Variants in C1QTNF2 observed in about 807,000 individuals in gnomAD.
C1QTNF2 encodes complement C1q tumor necrosis factor-related protein 2.
A neutral mutation model predicts 17.4 loss-of-function variants in C1QTNF2; 15 were observed. That is an observed-to-expected ratio of 0.86 (90% CI 0.58 to 1.33). C1QTNF2 has a LOEUF of 1.33. Ranked by LOEUF, C1QTNF2 falls within the 40% of genes most tolerant of loss-of-function variation. The probability of loss-of-function intolerance (pLI) is 0.00; values close to 1 mark genes in which losing one functional copy is unlikely to be tolerated. For synonymous variants in C1QTNF2, 154 were observed against 163.3 expected (o/e 0.94, Z 0.44); for missense variants, 381 against 392.3 (o/e 0.97, Z 0.24).
chr5:160,363,061 G>C (rs1764182957), intron 1 of C1QTNF2, among the ~76,000 whole-genome samples: 1 of 152,196 alleles, frequency 6.6e-6, no homozygotes, highest in Non-Finnish European at 1.5e-5. Flanking sequence ...ATCCTTGGTG[G>C]AGGAGGACAC....
At position 160,354,825 on chromosome 5, in the gene C1QTNF2, G is replaced by A. The variant is rs1251441049; in HGVS notation, c.187C>T (p.Pro63Ser). 1 of 1,613,474 alleles carries A rather than the reference G, an allele frequency of 6.2e-7. No homozygotes were observed. The highest frequency in any genetic ancestry group is 8.5e-7 in the Non-Finnish European group (1 of 1,179,928). ...PSGMMGRMGF[P>S]GKDGQDGHDG... ...TGTCCATCTTGGCCGTCTTTGCCAG[G>A]AAAGCCCATTCGTCCCATCATTCCT... The change falls in exon 2 of 3, where the codon CCT becomes TCT. Residue 63 changes from proline to serine, a missense_variant. Pro to Ser is a moderately conservative substitution (Grantham distance 74, BLOSUM62 -1). Transcript: ENST00000652664.
chr5:160,349,156 G>A lies in C1QTNF2; in HGVS notation c.*12C>T, dbSNP rs377189165. Reference sequence around the variant, plus strand: ...AAGCTTGTTCCCTGCCTGGAGGACCGCCGTGGCATGTCTATACCTCGTTGG... The same window carrying A: ...AAGCTTGTTCCCTGCCTGGAGGACCACCGTGGCATGTCTATACCTCGTTGG... On this transcript the variant is annotated 3_prime_UTR_variant, in exon 3 of 3. Coordinates refer to ENST00000652664, the MANE Select transcript of C1QTNF2 (RefSeq NM_031908.6). This position sits in a 1 kb window ranked among gnomAD's most constrained non-coding sequence, Gnocchi z 4.3. The A allele has an allele frequency of 2.0e-5, 32 of 1,598,380 alleles. No homozygotes were observed. The highest frequency in any genetic ancestry group is 9.4e-5 in the African/African-American group (7 of 74,540).
intron 1 of C1QTNF2, among the ~76,000 whole-genome samples, chr5:160,359,519 G>C (rs1279160943): frequency 6.6e-6 from 1 of 152,212 alleles, no homozygotes; most frequent in South Asian, 2.1e-4. Context: ...CACAGCCATA[G>C]AGAAATCTCT....
Position 160,370,620 on chromosome 5 carries a change from C to G in C1QTNF2, c.-118G>C. 1 of 1,447,342 alleles carries G rather than the reference C, an allele frequency of 6.9e-7. No homozygotes were observed. Among genetic ancestry groups the G allele is most frequent in the South Asian group, 1.5e-5 (1 of 67,072 alleles). The allele number at this position is 1,447,342 out of a possible 1,614,324, so 89.7% of individuals were successfully genotyped here. ...CAGCAGCCGGGCAGAGCGTCGGCCC[C>G]AGGCATAGTTTTCCCATCCCGTCAT... On this transcript the variant is annotated 5_prime_UTR_variant, in exon 1 of 3. Coordinates refer to ENST00000652664, the MANE Select transcript of C1QTNF2 (RefSeq NM_031908.6).
chr5:160,354,655 T>G, intron 2 of C1QTNF2, 113 bp downstream of exon 2: 1 of 830,856 alleles, frequency 1.2e-6, no homozygotes, highest in Middle Eastern at 3.8e-4. Flanking sequence ...TAAATAGTAA[T>G]TTGATTTATA....
chr5:160,355,057 G>A (rs1201015270), intron 1 of C1QTNF2, 37 bp from the exon 2 acceptor site: 2 of 1,496,326 alleles, frequency 1.3e-6, no homozygotes, highest in East Asian at 2.3e-5. Flanking sequence ...GGTGAGTGTG[G>A]CCACCAAGCT....
chr5:160,349,260 G>T lies in C1QTNF2; in HGVS notation c.766C>A (p.Gln256Lys). The part of the protein sequence containing the change: ...EVWLQIFYSE[Q>K]NGLFYDPYWT... Reference sequence around the variant, plus strand: ...TAAGGGTCATAGAAGAGCCCGTTCTGCTCTGAGTAGAAGATCTGCAGCCAA... The same window carrying T: ...TAAGGGTCATAGAAGAGCCCGTTCTTCTCTGAGTAGAAGATCTGCAGCCAA... Residue 256 changes from glutamine (Q) to lysine (K), a missense_variant, in exon 3 of 3, where the codon CAG becomes AAG. Gln to Lys is a moderately conservative substitution (Grantham distance 53). Coordinates refer to ENST00000652664, the MANE Select transcript of C1QTNF2 (RefSeq NM_031908.6). This position sits in a 1 kb window ranked among gnomAD's most constrained non-coding sequence, Gnocchi z 4.3. The T allele has an allele frequency of 6.2e-7, 1 of 1,614,174 alleles. No individual in the cohort carries two copies.
intron 1 of C1QTNF2, among the ~76,000 whole-genome samples, chr5:160,359,941 C>G (rs1764121445): frequency 6.6e-6 from 1 of 152,174 alleles, no homozygotes; most frequent in Non-Finnish European, 1.5e-5. Flanking sequence ...CTCCTCTGGC[C>G]CAGCACCCAC....
chr5:160,353,788 CT>C (rs200777932), intron 2 of C1QTNF2, among the ~76,000 whole-genome samples: 126 of 85,880 alleles, frequency 1.5e-3, no homozygotes, highest in African/African-American at 5.5e-3. Context: ...ACTTCTCAGG[CT>C]TTTTTTTTTT....
At chr5:160,369,492 G>A (rs1328750110) in intron 1 of C1QTNF2, among the ~76,000 whole-genome samples, 2 of 152,226 alleles carry the variant, frequency 1.3e-5, no homozygotes, top group Non-Finnish European at 2.9e-5. Flanking sequence ...ATAAATTAGA[G>A]AATGGTGCAG....
chr5:160,367,918 T>C (rs777296289), intron 1 of C1QTNF2, among the ~76,000 whole-genome samples: 12 of 152,176 alleles, frequency 7.9e-5, no homozygotes, highest in Non-Finnish European at 1.6e-4. Flanking sequence ...GATGTTCATA[T>C]CTCCTTTAAA....
At position 160,370,603 on chromosome 5, in the gene C1QTNF2, G is replaced by C. The variant is rs759289387; in HGVS notation, c.-101C>G. ...CCGGCTTTCCTCAGCGGCAGCAGCC[G>C]GGCAGAGCGTCGGCCCCAGGCATAG... On this transcript the variant is annotated 5_prime_UTR_variant, in exon 1 of 3. Transcript: ENST00000652664. The C allele has an allele frequency of 1.4e-6, 2 of 1,448,366 alleles. No homozygotes were observed. Among genetic ancestry groups the C allele is most frequent in the Admixed American group, 2.9e-5 (1 of 34,950 alleles). The allele number at this position is 1,448,366 out of a possible 1,614,324, so 89.7% of individuals were successfully genotyped here. A position where few individuals can be genotyped will look rare whatever the true frequency, so the allele number is the denominator to read the frequency against.
chr5:160,367,021 C>CA (rs71285021), intron 1 of C1QTNF2, among the ~76,000 whole-genome samples: 29,965 of 86,888 alleles, frequency 0.34, 3,911 homozygotes, highest in Middle Eastern at 0.48. Flanking sequence ...AAGACATTGT[C>CA]AAAAAAAAAA....
At chr5:160,361,167 T>A (rs1764147348) in intron 1 of C1QTNF2, among the ~76,000 whole-genome samples, 1 of 152,206 alleles carries the variant, frequency 6.6e-6, no homozygotes, top group Admixed American at 6.5e-5. Flanking sequence ...AAGTAGCTAA[T>A]GATTCATCAA....
chr5:160,349,273 G>T lies in C1QTNF2; in HGVS notation c.753C>A (p.Ile251=), dbSNP rs1174431082. Residue 251 remains isoleucine (I), a synonymous_variant, in exon 3 of 3, where the codon ATC becomes ATA. Coordinates refer to ENST00000652664, the MANE Select transcript of C1QTNF2 (RefSeq NM_031908.6). The surrounding 1 kb of genome is among the most constrained non-coding windows in gnomAD (Gnocchi z 4.3). The part of the protein sequence containing the change: ...LKQGDEVWLQ[I]FYSEQNGLFY... ...AGAGCCCGTTCTGCTCTGAGTAGAA[G>T]ATCTGCAGCCAAACTTCGTCACCCT... is the stretch of plus-strand genomic sequence containing the variant. The T allele has an allele frequency of 6.2e-7, 1 of 1,614,134 alleles. No individual in the cohort carries two copies. Among genetic ancestry groups the T allele is most frequent in the South Asian group, 1.1e-5 (1 of 91,080 alleles).
At chr5:160,365,976 T>A (rs937497534) in intron 1 of C1QTNF2, among the ~76,000 whole-genome samples, 1 of 152,182 alleles carries the variant, frequency 6.6e-6, no homozygotes, top group African/African-American at 2.4e-5. Flanking sequence ...TTTCCATAGA[T>A]TATTGGGGAA....
rs2113500080 is a variant in C1QTNF2, at chr5:160,349,981, G to C, written c.245-200C>G. The stretch of plus-strand genomic sequence containing the variant: ...TGGAAATGATGATACTTACCTTCAA[G>C]AATCACTGTGGATCAGGGCAAAAAG... On this transcript the variant is annotated intron_variant, in intron 2 of 2. Transcript: ENST00000652664. This position sits in a 1 kb window ranked among gnomAD's most constrained non-coding sequence, Gnocchi z 4.3. 6.6e-6 allele frequency among the ~76,000 whole-genome samples: 1 copy of C among 152,350 alleles called. No individual in the cohort carries two copies. Among genetic ancestry groups the C allele is most frequent in the South Asian group, 2.1e-4 (1 of 4,828 alleles).
chr5:160,365,667 T>C (rs2113535309), intron 1 of C1QTNF2, among the ~76,000 whole-genome samples: 1 of 152,354 alleles, frequency 6.6e-6, no homozygotes, highest in Middle Eastern at 3.4e-3. Context: ...TTCCAGCTGT[T>C]TGACCTTGGG....
chr5:160,363,354 CT>C (rs1232642378), intron 1 of C1QTNF2, among the ~76,000 whole-genome samples: 1 of 152,194 alleles, frequency 6.6e-6, no homozygotes, highest in East Asian at 1.9e-4. Flanking sequence ...GATCAGTGTC[CT>C]TTTGGAAACT....
Sources: gnomAD v4.1 joint callset for allele counts (sites outside exome capture counted in the v4.1 genomes callset) on GRCh38, gnomAD v4.1.1 for gene constraint, Gnocchi (gnomAD v3.1) non-coding constraint, MANE v1.5 for transcripts, NCBI Gene and HGNC (gene_info 2026-07-23, HGNC 2026-07-21) for gene names.